The following CDH18 variants were observed in gnomAD, a reference collection of about 807,000 sequenced individuals.
CDH18 encodes the protein cadherin 18.
CDH18 carries 31 observed loss-of-function variants against 67.9 expected under a neutral mutation model. That is an observed-to-expected ratio of 0.46 (90% CI 0.34 to 0.62). The LOEUF (loss-of-function observed/expected upper bound fraction) is 0.62, where lower values mean the gene tolerates loss of function less well. Among genes scored for constraint, CDH18 ranks in the 20% least tolerant of loss-of-function variants. The pLI is 0.01. For synonymous variants in CDH18, 362 were observed against 347.2 expected (o/e 1.04, Z -0.48); for missense variants, 890 against 975.5 (o/e 0.91, Z 1.17).
intron 1 of CDH18, among the ~76,000 whole-genome samples, chr5:20,487,793 GTAT>G (rs1753295381): frequency 1.3e-5 from 2 of 151,626 alleles, no homozygotes; most frequent in Admixed American, 1.3e-4. Flanking sequence ...CTATTTAATA[GTAT>G]TATTAAATAG....
chr5:20,289,241 C>T (rs1417025917), intron 1 of CDH18, among the ~76,000 whole-genome samples: 1 of 151,958 alleles, frequency 6.6e-6, no homozygotes, highest in Non-Finnish European at 1.5e-5. Flanking sequence ...ATATTCAAAA[C>T]ATCCTTATTT....
At chr5:20,522,664 T>C (rs569552864) in intron 1 of CDH18, among the ~76,000 whole-genome samples, 5 of 152,204 alleles carry the variant, frequency 3.3e-5, no homozygotes, top group Admixed American at 6.6e-5. Flanking sequence ...AGAGAGCACC[T>C]TGTTTTACAT....
intron 3 of CDH18, among the ~76,000 whole-genome samples, chr5:19,802,811 A>G (rs1777606952): frequency 6.6e-6 from 1 of 152,202 alleles, no homozygotes; most frequent in African/African-American, 2.4e-5. Context: ...ACAAAGACCA[A>G]GGGAAAAATA....
intron 5 of CDH18, among the ~76,000 whole-genome samples, chr5:19,646,520 A>T (rs1754762322): frequency 6.6e-6 from 1 of 151,968 alleles, no homozygotes; most frequent in African/African-American, 2.4e-5. Flanking sequence ...TTGTATTTTT[A>T]GCAGAGATGG....
chr5:19,718,099 C>T (rs1481538246), intron 5 of CDH18, among the ~76,000 whole-genome samples: 1 of 151,930 alleles, frequency 6.6e-6, no homozygotes, highest in African/African-American at 2.4e-5. Flanking sequence ...CCACACAATT[C>T]ATTTTCTGGA....
At chr5:19,970,924 T>C (rs1294659211) in intron 2 of CDH18, among the ~76,000 whole-genome samples, 3 of 151,844 alleles carry the variant, frequency 2.0e-5, no homozygotes, top group African/African-American at 7.2e-5. Flanking sequence ...ATATCTCCAT[T>C]GGAGACGGAG....
intron 4 of CDH18, among the ~76,000 whole-genome samples, chr5:19,728,828 G>A (rs978279008): frequency 6.6e-6 from 1 of 152,060 alleles, no homozygotes. Context: ...GAATCTCTTA[G>A]GGCTTAATTC....
intron 6 of CDH18, 115 bp downstream of exon 6, chr5:19,612,319 C>T: frequency 1.9e-6 from 2 of 1,030,134 alleles, no homozygotes; most frequent in Non-Finnish European, 2.9e-6. Flanking sequence ...TCATATAGTA[C>T]AAAAACAGAA....
chr5:20,013,035 G>A (rs1227554390), intron 2 of CDH18, among the ~76,000 whole-genome samples: 1 of 152,018 alleles, frequency 6.6e-6, no homozygotes, highest in Non-Finnish European at 1.5e-5. Flanking sequence ...TAAAAAACCT[G>A]CACATCCTGC....
At chr5:19,708,820 A>ATG (rs1764298288) in intron 5 of CDH18, among the ~76,000 whole-genome samples, 4 of 152,090 alleles carry the variant, frequency 2.6e-5, no homozygotes, top group African/African-American at 9.7e-5. Context: ...CTCTGTTCGC[A>ATG]GCTCTCAGCT....
chr5:19,920,893 GCACACA>G (rs70954622), intron 2 of CDH18, among the ~76,000 whole-genome samples: 90 of 146,206 alleles, frequency 6.2e-4, no homozygotes, highest in African/African-American at 2.2e-3. Context: ...ACCCACAAGA[GCACACA>G]CACACACACA....
At chr5:20,410,030 G>A (rs911231011) in intron 1 of CDH18, among the ~76,000 whole-genome samples, 4 of 151,672 alleles carry the variant, frequency 2.6e-5, no homozygotes, top group Non-Finnish European at 5.9e-5. Flanking sequence ...ATAGCAGATG[G>A]CATCACTGGT....
At chr5:19,915,370 C>T (rs1561551548) in intron 2 of CDH18, among the ~76,000 whole-genome samples, 1 of 152,088 alleles carries the variant, frequency 6.6e-6, no homozygotes, top group Non-Finnish European at 1.5e-5. Flanking sequence ...GGGGTTGAGG[C>T]GCCAACCCCT....
At chr5:19,814,508 A>AGCATCCCT (rs1779082961) in intron 3 of CDH18, among the ~76,000 whole-genome samples, 3 of 151,134 alleles carry the variant, frequency 2.0e-5, no homozygotes, top group South Asian at 2.1e-4. Context: ...AATATTTAGC[A>AGCATCCCT]GGGCTCTACA....
chr5:19,924,014 A>G (rs946138412), intron 2 of CDH18, among the ~76,000 whole-genome samples: 1 of 152,120 alleles, frequency 6.6e-6, no homozygotes, highest in Non-Finnish European at 1.5e-5. Flanking sequence ...AAACTATGAG[A>G]CCGGTACTTT....
chr5:19,587,533 T>G (rs1744372543), intron 7 of CDH18, among the ~76,000 whole-genome samples: 1 of 152,172 alleles, frequency 6.6e-6, no homozygotes, highest in African/African-American at 2.4e-5. Flanking sequence ...CCCAGCACAA[T>G]TTATTAAATA....
chr5:19,498,738 A>T (rs1287561352), intron 11 of CDH18, among the ~76,000 whole-genome samples: 1 of 152,154 alleles, frequency 6.6e-6, no homozygotes, highest in Non-Finnish European at 1.5e-5. Context: ...CTTTATATGG[A>T]ACTTTAGCCA....
At chr5:20,164,203 C>A (rs969481388) in intron 2 of CDH18, among the ~76,000 whole-genome samples, 1 of 152,182 alleles carries the variant, frequency 6.6e-6, no homozygotes. Flanking sequence ...TCCTTCGCAA[C>A]ATAAGACAGA....
At chr5:19,745,421 C>T (rs186811372) in intron 4 of CDH18, among the ~76,000 whole-genome samples, 2 of 152,228 alleles carry the variant, frequency 1.3e-5, no homozygotes, top group East Asian at 3.9e-4. Flanking sequence ...TGACAGTTTC[C>T]TTTGTGCTCC....
Sources: gnomAD v4.1 joint callset for allele counts (sites outside exome capture counted in the v4.1 genomes callset) on GRCh38, gnomAD v4.1.1 for gene constraint, MANE v1.5 for transcripts, NCBI Gene and HGNC (gene_info 2026-07-23, HGNC 2026-07-21) for gene names.